Variants in MTUS2 observed in about 807,000 individuals in gnomAD.
The protein encoded by MTUS2 is microtubule-associated tumor suppressor candidate 2.
Under a neutral mutation model 114.1 loss-of-function variants are expected in MTUS2, and 40 were observed. The ratio of observed to expected loss-of-function variants is 0.35; its 90% CI spans 0.27 to 0.46. The LOEUF (loss-of-function observed/expected upper bound fraction) is 0.46, where lower values mean the gene tolerates loss of function less well. Ranked by LOEUF, MTUS2 falls within the 20% of genes least tolerant of loss-of-function variation. The pLI, the probability that MTUS2 is intolerant of heterozygous loss-of-function variation, is 1.00. For missense variants in MTUS2, 1,679 were observed against 1,705.4 expected, an observed-to-expected ratio of 0.98 and a Z score of 0.27; for synonymous variants, 688 against 672.0, an observed-to-expected ratio of 1.02 and a Z score of -0.37.
chr13:29,408,756 A>G (rs1874980588), intron 8 of MTUS2, among the ~76,000 whole-genome samples: 1 of 152,028 alleles, frequency 6.6e-6, no homozygotes, highest in Non-Finnish European at 1.5e-5. Flanking sequence ...TTTGTGTGCA[A>G]TGCAAATCTA....
chr13:29,200,521 G>GT lies in MTUS2; in HGVS notation c.2645-81167dup, dbSNP rs56965083. On this transcript the variant is annotated intron_variant, in intron 5 of 15. Coordinates refer to ENST00000612955, the MANE Select transcript of MTUS2 (RefSeq NM_001033602.4). ...TGGTTTTGAGTGAGTTTCTTTTTCT[G>GT]TTTTTTTTTTTTTTTTGAGATGGAG... Among the ~76,000 whole-genome samples, 348 of 85,422 alleles carry GT rather than the reference G, an allele frequency of 4.1e-3. 20 individuals carry two copies. The highest frequency in any genetic ancestry group is 0.011 in the African/African-American group (213 of 20,220). The allele number at this position is 85,422 out of a possible 152,430, so 56.0% of individuals were successfully genotyped here.
intron 8 of MTUS2, among the ~76,000 whole-genome samples, chr13:29,420,488 G>T (rs1054374692): frequency 3.3e-5 from 5 of 152,122 alleles, no homozygotes; most frequent in African/African-American, 1.2e-4. Context: ...ATGTTGGCCA[G>T]GCTGGTTTCA....
At chr13:29,500,830 C>G (rs1297026636) in intron 14 of MTUS2, among the ~76,000 whole-genome samples, 1 of 141,834 alleles carries the variant, frequency 7.1e-6, no homozygotes, top group Non-Finnish European at 1.5e-5. Flanking sequence ...CACACACACA[C>G]ACACATTGAT....
chr13:29,396,238 A>G (rs1352541704), intron 8 of MTUS2, among the ~76,000 whole-genome samples: 5 of 152,226 alleles, frequency 3.3e-5, no homozygotes, highest in Non-Finnish European at 5.9e-5. Context: ...AAGACATGCA[A>G]ACATTCAAAA....
intron 7 of MTUS2, among the ~76,000 whole-genome samples, chr13:29,334,547 G>A (rs751584578): frequency 1.3e-5 from 2 of 152,182 alleles, no homozygotes; most frequent in African/African-American, 4.8e-5. Context: ...CTTCTGGCTG[G>A]TAGTGTTTCT....
At chr13:29,408,340 G>A (rs1047954162) in intron 8 of MTUS2, among the ~76,000 whole-genome samples, 5 of 152,182 alleles carry the variant, frequency 3.3e-5, no homozygotes, top group East Asian at 1.9e-4. Context: ...TTTTGACACA[G>A]GGTCTTGCTG....
At chr13:29,439,339 A>C (rs1003252165) in intron 8 of MTUS2, among the ~76,000 whole-genome samples, 89 of 152,332 alleles carry the variant, frequency 5.8e-4, no homozygotes, top group African/African-American at 1.9e-3. Context: ...CTTAGCAGTC[A>C]TTTAGTTATA....
intron 8 of MTUS2, among the ~76,000 whole-genome samples, chr13:29,426,428 AC>A (rs1205913313): frequency 6.6e-6 from 1 of 152,242 alleles, no homozygotes; most frequent in Admixed American, 6.5e-5. Context: ...CATAAATGGA[AC>A]CATCATAAGT....
rs77508100 is a variant in MTUS2 at position 28,937,057 on chromosome 13, G to T, written c.-242-87400G>T. The stretch of plus-strand genomic sequence containing the variant: ...ATTATTAGGGGAGTCAGTTCTTGTG[G>T]CTATAGACTGAAATAACAGTGATGC... On this transcript the variant is annotated intron_variant, in intron 2 of 15. Transcript: ENST00000612955. 9.9e-3 allele frequency among the ~76,000 whole-genome samples: 1,515 copies of T among 152,276 alleles called. 23 individuals carry two copies. Among genetic ancestry groups the T allele is most frequent in the East Asian group, 0.042 (218 of 5,166 alleles).
Position 28,831,197 on chromosome 13 carries a change from A to G in MTUS2, c.-315-8581A>G, listed in dbSNP as rs191461326. On this transcript the variant is annotated intron_variant, in intron 1 of 15. Transcript: ENST00000612955. Reference sequence around the variant, plus strand: ...GAAAATGATATATTGAAAAATATCTATTTAACACAAAAGAGGGCAGTAGTG... The same window carrying G: ...GAAAATGATATATTGAAAAATATCTGTTTAACACAAAAGAGGGCAGTAGTG... Among the ~76,000 whole-genome samples the G allele has an allele frequency of 3.1e-3, 476 of 152,310 alleles. 4 individuals are homozygous for G. The highest frequency in any genetic ancestry group is 3.7e-3 in the Non-Finnish European group (249 of 68,018).
chr13:28,972,171 A>G (rs1883887945), intron 2 of MTUS2, among the ~76,000 whole-genome samples: 1 of 152,224 alleles, frequency 6.6e-6, no homozygotes, highest in Admixed American at 6.5e-5. Context: ...TTAGATCTGC[A>G]CAAATAAAGC....
chr13:29,016,756 C>A (rs1260007236), intron 2 of MTUS2, among the ~76,000 whole-genome samples: 2 of 152,148 alleles, frequency 1.3e-5, no homozygotes, highest in Non-Finnish European at 2.9e-5. Flanking sequence ...CGATATGCTA[C>A]CCATGTTATG....
intron 2 of MTUS2, among the ~76,000 whole-genome samples, chr13:28,922,078 G>C (rs1881073167): frequency 6.6e-6 from 1 of 152,156 alleles, no homozygotes; most frequent in South Asian, 2.1e-4. Flanking sequence ...CCCCCTTGCT[G>C]TTTTCATGAT....
At chr13:28,894,333 A>G (rs9634320) in intron 2 of MTUS2, among the ~76,000 whole-genome samples, 42 of 51,534 alleles carry the variant, frequency 8.1e-4, no homozygotes, top group African/African-American at 1.9e-3. Context: ...AGGGAGGGAG[A>G]GAGAGAGAGA....
At chr13:28,935,988 C>G (rs927483593) in intron 2 of MTUS2, among the ~76,000 whole-genome samples, 1 of 152,128 alleles carries the variant, frequency 6.6e-6, no homozygotes, top group Non-Finnish European at 1.5e-5. Context: ...CTTAAGTGAT[C>G]CTTCCGTCTT....
At chr13:29,285,664 C>T (rs1318765607) in intron 6 of MTUS2, among the ~76,000 whole-genome samples, 1 of 152,200 alleles carries the variant, frequency 6.6e-6, no homozygotes, top group Admixed American at 6.5e-5. Flanking sequence ...CTATGGGACA[C>T]ACCCTCTGAT....
chr13:29,296,651 A>C (rs1175265441), intron 6 of MTUS2, among the ~76,000 whole-genome samples: 3 of 152,078 alleles, frequency 2.0e-5, no homozygotes, highest in Admixed American at 1.3e-4. Context: ...TTTAACTGGG[A>C]TGAGATGACC....
intron 2 of MTUS2, among the ~76,000 whole-genome samples, chr13:28,845,729 G>T (rs945897275): frequency 2.0e-5 from 3 of 151,776 alleles, no homozygotes; most frequent in African/African-American, 7.3e-5. Flanking sequence ...TAAGTCATCA[G>T]ATAGCCACAA....
At chr13:29,361,469 T>A (rs4075371) in intron 8 of MTUS2, among the ~76,000 whole-genome samples, 22,058 of 151,986 alleles carry the variant, frequency 0.15, 1,833 homozygotes, top group African/African-American at 0.23. Flanking sequence ...GTTTTTTTTT[T>A]AAAAAGTTAA....
Sources: gnomAD v4.1 joint callset for allele counts (sites outside exome capture counted in the v4.1 genomes callset) on GRCh38, gnomAD v4.1.1 for gene constraint, MANE v1.5 for transcripts, NCBI Gene and HGNC (gene_info 2026-07-23, HGNC 2026-07-21) for gene names.